ASXL3: variants seen among roughly 807,000 people sequenced by gnomAD.
ASXL3 encodes putative Polycomb group protein ASXL3.
A neutral mutation model predicts 170.6 loss-of-function variants in ASXL3; 34 were observed. The ratio of observed to expected loss-of-function variants is 0.20; its 90% CI spans 0.15 to 0.27. The LOEUF is 0.27. Among genes scored for constraint, ASXL3 ranks in the 10% least tolerant of loss-of-function variants. The pLI is 1.00. For missense variants in ASXL3, 2,592 were observed against 2,695.3 expected, an observed-to-expected ratio of 0.96 and a Z score of 0.85; for synonymous variants, 1,002 against 989.1, an observed-to-expected ratio of 1.01 and a Z score of -0.24.
intron 10 of ASXL3, among the ~76,000 whole-genome samples, chr18:33,737,974 T>C (rs912272155): frequency 6.6e-5 from 10 of 152,318 alleles, no homozygotes; most frequent in Non-Finnish European, 1.3e-4. Context: ...GCTTTTCTGC[T>C]CATATTTTCT....
chr18:33,582,799 CATT>C (rs1435915827), intron 1 of ASXL3, among the ~76,000 whole-genome samples: 1 of 151,482 alleles, frequency 6.6e-6, no homozygotes, highest in Non-Finnish European at 1.5e-5. Flanking sequence ...AAATTCACCT[CATT>C]GTTGGAAGAA....
intron 1 of ASXL3, among the ~76,000 whole-genome samples, chr18:33,595,430 A>G (rs1238647999): frequency 6.6e-6 from 1 of 152,178 alleles, no homozygotes; most frequent in Non-Finnish European, 1.5e-5. Flanking sequence ...TATATCCTGT[A>G]TCTTTTTAAA....
At chr18:33,611,361 A>T (rs1219982970) in intron 2 of ASXL3, among the ~76,000 whole-genome samples, 1 of 152,080 alleles carries the variant, frequency 6.6e-6, no homozygotes, top group Non-Finnish European at 1.5e-5. Flanking sequence ...TTTCTTTCTT[A>T]TGAAAATATT....
intron 1 of ASXL3, among the ~76,000 whole-genome samples, chr18:33,587,026 C>T (rs1038978805): frequency 2.0e-5 from 3 of 152,142 alleles, no homozygotes; most frequent in Non-Finnish European, 4.4e-5. Flanking sequence ...TTCTGACCTT[C>T]CAAATAGTTG....
chr18:33,600,714 A>G (rs1233221599), intron 1 of ASXL3, among the ~76,000 whole-genome samples: 2 of 152,142 alleles, frequency 1.3e-5, no homozygotes, highest in African/African-American at 4.8e-5. Context: ...ATTAGGATTC[A>G]CTTCTCAATT....
At chr18:33,615,610 G>A (rs542628048) in intron 2 of ASXL3, among the ~76,000 whole-genome samples, 5 of 152,096 alleles carry the variant, frequency 3.3e-5, no homozygotes, top group Non-Finnish European at 5.9e-5. Context: ...CAATATCTGC[G>A]AAGCATAATA....
At chr18:33,591,989 C>G (rs1356572341) in intron 1 of ASXL3, among the ~76,000 whole-genome samples, 3 of 152,010 alleles carry the variant, frequency 2.0e-5, no homozygotes, top group Admixed American at 2.0e-4. Context: ...GAAATGAACT[C>G]ATGAAAGTTA....
intron 2 of ASXL3, among the ~76,000 whole-genome samples, chr18:33,636,229 C>T (rs2065761128): frequency 1.3e-5 from 2 of 151,874 alleles, no homozygotes; most frequent in South Asian, 4.1e-4. Context: ...AGGTAGATGC[C>T]AACTGTGTTG....
chr18:33,666,042 C>A (rs536749037), intron 5 of ASXL3, among the ~76,000 whole-genome samples: 1 of 152,080 alleles, frequency 6.6e-6, no homozygotes, highest in African/African-American at 2.4e-5. Context: ...ATAACACCAT[C>A]GATATTGAAA....
chr18:33,601,785 G>GTATATATATATA lies in ASXL3; in HGVS notation c.55-5799_55-5798insTATATATATATA, dbSNP rs1555717840. On this transcript the variant is annotated intron_variant, in intron 1 of 11. Transcript: ENST00000269197. ...TGAGAATTTAAGTAAATATCTGATT[G>GTATATATATATA]TATATATATAGTTTGTTTGTTTTGA... Among the ~76,000 whole-genome samples, 134 of 103,954 alleles carry GTATATATATATA rather than the reference G, an allele frequency of 1.3e-3. 21 individuals carry two copies. Among genetic ancestry groups the GTATATATATATA allele is most frequent in the Non-Finnish European group, 2.6e-3 (116 of 44,814 alleles). The allele number at this position is 103,954 out of a possible 152,430, so 68.2% of individuals were successfully genotyped here. A position where few individuals can be genotyped will look rare whatever the true frequency, so the allele number is the denominator to read the frequency against.
chr18:33,668,124 C>T lies in ASXL3; in HGVS notation c.478-2549C>T, dbSNP rs6507053. Among the ~76,000 whole-genome samples, 1,431 of 152,272 alleles carry T rather than the reference C, an allele frequency of 9.4e-3. 24 individuals carry two copies. The highest frequency in any genetic ancestry group is 0.033 in the African/African-American group (1,355 of 41,552). ...ACAACTCCTTAACCACTGCATCACA[C>T]TGCCAATTTTTCAGAAAATTCTGAA... is the stretch of plus-strand genomic sequence containing the variant. On this transcript the variant is annotated intron_variant, in intron 5 of 11. Transcript: ENST00000269197.
intron 2 of ASXL3, among the ~76,000 whole-genome samples, chr18:33,639,463 G>C (rs2065815747): frequency 6.6e-6 from 1 of 152,076 alleles, no homozygotes; most frequent in Admixed American, 6.6e-5. Flanking sequence ...CAGTGTCTAG[G>C]TGTATGTGTG....
Position 33,739,848 on chromosome 18 carries a change from C to T in ASXL3, c.2444C>T (p.Ser815Phe). The change falls in exon 11 of 12, where the codon TCT becomes TTT. Residue 815 changes from serine (S) to phenylalanine (F), a missense_variant. Ser to Phe is a radical substitution (Grantham distance 155). Around this residue, in one of 4 missense-constraint regions of ASXL3, gnomAD observed 2,246 missense variants for 2,219.6 expected, o/e 1.01. Transcript: ENST00000269197. ...ACTCCCGAACCCATCATAATGAGTT[C>T]TTCTTCCATTGCTCCTGAAGCATTT... ...SNTPEPIIMS[S>F]SSIAPEAFPS... 1 of 1,613,892 alleles carries T rather than the reference C, an allele frequency of 6.2e-7. No individual in the cohort carries two copies. The highest frequency in any genetic ancestry group is 8.5e-7 in the Non-Finnish European group (1 of 1,179,834).
chr18:33,588,836 T>C (rs1038040444), intron 1 of ASXL3, among the ~76,000 whole-genome samples: 5 of 151,966 alleles, frequency 3.3e-5, no homozygotes, highest in Admixed American at 6.6e-5. Context: ...TCCCATCAAG[T>C]CTTCTCCTCC....
At chr18:33,603,880 T>G (rs1345366566) in intron 1 of ASXL3, among the ~76,000 whole-genome samples, 1 of 152,194 alleles carries the variant, frequency 6.6e-6, no homozygotes, top group Non-Finnish European at 1.5e-5. Context: ...TATGTAAAAA[T>G]TGAGCACTGT....
rs541300613 is a variant in ASXL3 at position 33,740,452 on chromosome 18, TTAAA to T, written c.3039+14_3039+17del. 2.6e-4 allele frequency: 392 copies of T among 1,525,214 alleles called. 1 individual carries two copies. The African/African-American group carries it at 4.9e-3, about 19-fold the overall frequency. The allele number at this position is 1,525,214 out of a possible 1,614,324, so 94.5% of individuals were successfully genotyped here. A position where few individuals can be genotyped will look rare whatever the true frequency, so the allele number is the denominator to read the frequency against. On this transcript the variant is annotated intron_variant, in intron 11 of 11. Transcript: ENST00000269197. Reference sequence around the variant, plus strand: ...GGGTTCCCCCTCTCAAGGTATGGTATTAAATAAACAAAAGGCAATTCCGTAGATA... The same window carrying T: ...GGGTTCCCCCTCTCAAGGTATGGTATTAAACAAAAGGCAATTCCGTAGATA...
At chr18:33,601,931 T>C (rs987467577) in intron 1 of ASXL3, among the ~76,000 whole-genome samples, 1 of 151,604 alleles carries the variant, frequency 6.6e-6, no homozygotes, top group African/African-American at 2.4e-5. Context: ...GCTGGGACTA[T>C]AGGCACACAC....
chr18:33,584,120 T>C (rs1054335363), intron 1 of ASXL3, among the ~76,000 whole-genome samples: 3 of 152,138 alleles, frequency 2.0e-5, no homozygotes, highest in East Asian at 3.9e-4. Flanking sequence ...AAACTTGGTT[T>C]GGCCTTGAAA....
chr18:33,743,774 C>G lies in ASXL3; in HGVS notation c.3926C>G (p.Thr1309Arg). The stretch of plus-strand genomic sequence containing the variant: ...GAAAGCACTCCCATTTCAGCCACTA[C>G]AGAGGGCTCCAGCATATCAAGCTCC... ...CIESTPISATTEGSSISSSMD... is the reference protein window; with the variant it reads ...CIESTPISATREGSSISSSMD... The change falls in exon 12 of 12, where the codon ACA (threonine) becomes AGA (arginine). Residue 1309 changes from threonine (T) to arginine (R), a missense_variant. Around this residue, in one of 4 missense-constraint regions of ASXL3, gnomAD observed 2,246 missense variants for 2,219.6 expected, o/e 1.01. Coordinates refer to ENST00000269197, the MANE Select transcript of ASXL3 (RefSeq NM_030632.3). 1.2e-6 allele frequency: 2 copies of G among 1,613,990 alleles called. No individual in the cohort carries two copies. Among genetic ancestry groups the G allele is most frequent in the Middle Eastern group, 1.6e-4 (1 of 6,062 alleles).
Sources: allele counts gnomAD v4.1 joint callset (sites outside exome capture counted in the v4.1 genomes callset), GRCh38; gene constraint gnomAD v4.1.1; regional missense constraint gnomAD v4.1.1; transcripts MANE v1.5; gene names NCBI Gene and HGNC (gene_info 2026-07-23, HGNC 2026-07-21).